TC2N: variants seen among roughly 807,000 people sequenced by gnomAD.
TC2N encodes tandem C2 domains nuclear protein.
In TC2N, 51 loss-of-function variants were observed where a neutral mutation model predicts 61.9. The observed-to-expected ratio is 0.82, with a 90% CI of 0.66 to 1.04. TC2N has a LOEUF of 1.04. Among genes scored for constraint, TC2N ranks in the 50% least tolerant of loss-of-function variants. The pLI is 0.00. For synonymous variants in TC2N, 204 were observed against 192.6 expected (o/e 1.06, Z -0.49); for missense variants, 556 against 566.7 (o/e 0.98, Z 0.19).
At chr14:91,797,588 T>A (rs1885959325) in intron 8 of TC2N, among the ~76,000 whole-genome samples, 197 bp downstream of exon 8, 1 of 151,984 alleles carries the variant, frequency 6.6e-6, no homozygotes, top group Admixed American at 6.6e-5. Context: ...ATATTCTTTT[T>A]AAATGCATCT....
chr14:91,822,461 T>C (rs1470319262), intron 1 of TC2N, among the ~76,000 whole-genome samples: 1 of 6,002 alleles, frequency 1.7e-4, no homozygotes, highest in East Asian at 0.062. Context: ...CAAAGTCATA[T>C]TTCAGTTCTT....
chr14:91,811,014 C>A (rs1396839895), intron 3 of TC2N, among the ~76,000 whole-genome samples: 1 of 151,910 alleles, frequency 6.6e-6, no homozygotes, highest in Non-Finnish European at 1.5e-5. Context: ...TTGGATTACA[C>A]TGACATATAC....
chr14:91,804,429 G>C (rs1250704110), intron 3 of TC2N, among the ~76,000 whole-genome samples: 1 of 151,872 alleles, frequency 6.6e-6, no homozygotes, highest in African/African-American at 2.4e-5. Flanking sequence ...CCAAAAAATT[G>C]GAAAACTCAA....
intron 1 of TC2N, among the ~76,000 whole-genome samples, chr14:91,863,870 C>G (rs1335295617): frequency 1.3e-5 from 2 of 150,068 alleles, no homozygotes; most frequent in Non-Finnish European, 3.0e-5. Flanking sequence ...TGGCACGTAG[C>G]TGTAGTCCCA....
chr14:91,861,725 C>A (rs1441061843), intron 1 of TC2N, among the ~76,000 whole-genome samples: 1 of 151,998 alleles, frequency 6.6e-6, no homozygotes, highest in Non-Finnish European at 1.5e-5. Flanking sequence ...GAGTTCGAGA[C>A]CAGACTGGCC....
chr14:91,779,917 T>C lies in TC2N; in HGVS notation c.*3183A>G, dbSNP rs1035509103. 6.6e-6 allele frequency: 1 copy of C among 152,110 alleles called. No homozygotes were observed. Among genetic ancestry groups the C allele is most frequent in the Non-Finnish European group, 1.5e-5 (1 of 68,026 alleles). The allele number at this position is 152,110 out of a possible 1,614,324, so 9.4% of individuals were successfully genotyped here. ...ACAATTCTTCACCCACAAAATAAAATCCAATTTAGGAGGCTCCATTAACTC... is the reference window on the plus strand; with the variant it reads ...ACAATTCTTCACCCACAAAATAAAACCCAATTTAGGAGGCTCCATTAACTC... On this transcript the variant is annotated 3_prime_UTR_variant, in exon 12 of 12. Coordinates refer to ENST00000435962, the MANE Select transcript of TC2N (RefSeq NM_001128596.3).
At chr14:91,787,744 T>C (rs1885436830) in intron 9 of TC2N, 117 bp from the exon 10 acceptor site, 2 of 606,432 alleles carry the variant, frequency 3.3e-6, no homozygotes, top group Non-Finnish European at 5.8e-6. Flanking sequence ...TCAAATGATA[T>C]TCAAAACTAT....
intron 1 of TC2N, among the ~76,000 whole-genome samples, chr14:91,848,995 G>C (rs1438320589): frequency 6.6e-6 from 1 of 152,098 alleles, no homozygotes; most frequent in East Asian, 1.9e-4. Flanking sequence ...GCTTTTTCCT[G>C]TTTCTACCTT....
chr14:91,823,469 G>A (rs1330600090), intron 1 of TC2N, among the ~76,000 whole-genome samples: 7 of 150,560 alleles, frequency 4.6e-5, no homozygotes, highest in South Asian at 2.1e-4. Flanking sequence ...GCAGTGAGCC[G>A]AGATCACGCC....
intron 2 of TC2N, among the ~76,000 whole-genome samples, chr14:91,813,264 A>G (rs567721712): frequency 6.6e-6 from 1 of 151,858 alleles, no homozygotes; most frequent in East Asian, 1.9e-4. Context: ...TCATTCATTC[A>G]TTCAAGGCAT....
chr14:91,838,278 G>T (rs997225866), intron 1 of TC2N, among the ~76,000 whole-genome samples: 1 of 151,626 alleles, frequency 6.6e-6, no homozygotes, highest in African/African-American at 2.4e-5. Flanking sequence ...AAGTGTGCTG[G>T]GACTACAGGC....
intron 1 of TC2N, among the ~76,000 whole-genome samples, chr14:91,841,984 T>TC (rs1566787445): frequency 6.7e-6 from 1 of 150,092 alleles, no homozygotes; most frequent in Non-Finnish European, 1.5e-5. Context: ...ACCTTTTTTT[T>TC]TTTTTTTTTT....
intron 3 of TC2N, among the ~76,000 whole-genome samples, chr14:91,805,324 G>A (rs1886459066): frequency 6.6e-6 from 1 of 152,200 alleles, no homozygotes; most frequent in Non-Finnish European, 1.5e-5. Context: ...TGCACACTGT[G>A]TTTATATTTA....
chr14:91,796,614 G>A (rs73337858), intron 8 of TC2N, among the ~76,000 whole-genome samples: 9,867 of 152,128 alleles, frequency 0.065, 965 homozygotes, highest in African/African-American at 0.21. Flanking sequence ...TGAATACACA[G>A]AACACAGGTA....
chr14:91,855,802 G>T (rs1888471785), intron 1 of TC2N, among the ~76,000 whole-genome samples: 1 of 152,216 alleles, frequency 6.6e-6, no homozygotes, highest in Non-Finnish European at 1.5e-5. Context: ...TGTGGCAGTG[G>T]TAAAAATGGC....
intron 8 of TC2N, among the ~76,000 whole-genome samples, chr14:91,792,823 C>A (rs1885726141): frequency 6.6e-6 from 1 of 152,142 alleles, no homozygotes; most frequent in Admixed American, 6.6e-5. Context: ...CACAATACAG[C>A]TTTTTCCCTT....
chr14:91,818,725 T>C (rs1887116309), intron 1 of TC2N, among the ~76,000 whole-genome samples: 1 of 152,040 alleles, frequency 6.6e-6, no homozygotes, highest in African/African-American at 2.4e-5. Context: ...ATGAAAACTA[T>C]AATGTCTGAG....
At chr14:91,832,574 G>A (rs1035308503) in intron 1 of TC2N, among the ~76,000 whole-genome samples, 1 of 152,006 alleles carries the variant, frequency 6.6e-6, no homozygotes, top group African/African-American at 2.4e-5. Flanking sequence ...AAAAATTCAG[G>A]TAATTACGAA....
At chr14:91,851,527 G>C (rs938850477) in intron 1 of TC2N, among the ~76,000 whole-genome samples, 13 of 152,106 alleles carry the variant, frequency 8.5e-5, no homozygotes, top group African/African-American at 2.4e-4. Context: ...CGTAGCGTCG[G>C]AATGAAGAAG....
Sources: gnomAD v4.1 joint callset for allele counts (sites outside exome capture counted in the v4.1 genomes callset) on GRCh38, gnomAD v4.1.1 for gene constraint, MANE v1.5 for transcripts, NCBI Gene and HGNC (gene_info 2026-07-23, HGNC 2026-07-21) for gene names.